XYLT1: variants seen among roughly 807,000 people sequenced by gnomAD.
XYLT1 encodes the protein xylosyltransferase 1.
A neutral mutation model predicts 91.3 loss-of-function variants in XYLT1; 36 were observed. The observed-to-expected ratio is 0.39, with a 90% confidence interval of 0.30 to 0.52. The LOEUF is 0.52. Among genes scored for constraint, XYLT1 ranks in the 20% least tolerant of loss-of-function variants. The pLI is 0.68. For synonymous variants in XYLT1, 588 were observed against 532.0 expected, an observed-to-expected ratio of 1.11 and a Z score of -1.45; for missense variants, 1,242 against 1,284.5, an observed-to-expected ratio of 0.97 and a Z score of 0.51.
chr16:17,141,115 C>G, intron 7 of XYLT1, 38 bp downstream of exon 7: 1 of 1,600,426 alleles, frequency 6.2e-7, no homozygotes, highest in Non-Finnish European at 8.6e-7. Flanking sequence ...CTAGAACAAG[C>G]CCCTATCTTT....
intron 6 of XYLT1, among the ~76,000 whole-genome samples, chr16:17,157,648 C>T (rs562433161): frequency 1.5e-4 from 23 of 152,264 alleles, no homozygotes; most frequent in African/African-American, 4.6e-4. Flanking sequence ...AAACCATGCA[C>T]GTTAACAAGC....
intron 1 of XYLT1, among the ~76,000 whole-genome samples, chr16:17,437,622 A>G (rs1461554299): frequency 6.6e-6 from 1 of 152,092 alleles, no homozygotes; most frequent in African/African-American, 2.4e-5. Context: ...AACAAGAATA[A>G]CAGCCTACTG....
At chr16:17,282,775 A>G (rs2034076853) in intron 2 of XYLT1, among the ~76,000 whole-genome samples, 1 of 152,266 alleles carries the variant, frequency 6.6e-6, no homozygotes, top group Admixed American at 6.5e-5. Flanking sequence ...GTTGTAACAC[A>G]GGATGGGGTG....
intron 2 of XYLT1, chr16:17,338,420 G>C (rs1231602227): frequency 4.4e-6 from 2 of 456,552 alleles, no homozygotes; most frequent in South Asian, 3.1e-5. Context: ...TGACACTTTG[G>C]AAAAGGCTGC....
At chr16:17,192,395 C>G (rs2032333726) in intron 5 of XYLT1, among the ~76,000 whole-genome samples, 1 of 152,178 alleles carries the variant, frequency 6.6e-6, no homozygotes, top group Admixed American at 6.5e-5. Flanking sequence ...AGCCACCACA[C>G]CCAGCCGAGG....
At chr16:17,376,142 C>T (rs1306082834) in intron 1 of XYLT1, among the ~76,000 whole-genome samples, 1 of 152,242 alleles carries the variant, frequency 6.6e-6, no homozygotes, top group Non-Finnish European at 1.5e-5. Context: ...GGCAGTGGTT[C>T]TCAACCAGGG....
At chr16:17,139,670 A>C (rs2030902510) in intron 7 of XYLT1, among the ~76,000 whole-genome samples, 1 of 152,204 alleles carries the variant, frequency 6.6e-6, no homozygotes, top group Non-Finnish European at 1.5e-5. Context: ...TCCAACAAGC[A>C]GTGGGAAGAT....
intron 1 of XYLT1, among the ~76,000 whole-genome samples, chr16:17,403,995 T>C (rs1208614279): frequency 6.6e-6 from 1 of 152,186 alleles, no homozygotes. Flanking sequence ...TCTGTGCAGT[T>C]CAGACCACAG....
At chr16:17,232,825 G>A (rs773016535) in intron 3 of XYLT1, among the ~76,000 whole-genome samples, 1 of 152,062 alleles carries the variant, frequency 6.6e-6, no homozygotes, top group Admixed American at 6.6e-5. Flanking sequence ...TGTTGGCAGC[G>A]GTGGTGATGG....
At chr16:17,396,955 T>A (rs2035894372) in intron 1 of XYLT1, among the ~76,000 whole-genome samples, 1 of 152,130 alleles carries the variant, frequency 6.6e-6, no homozygotes, top group Non-Finnish European at 1.5e-5. Context: ...TTTTCGCAAA[T>A]AAAATTTTAT....
At chr16:17,234,695 A>AAAATAAATAAATAAAT (rs4071716) in intron 3 of XYLT1, among the ~76,000 whole-genome samples, 3,169 of 146,976 alleles carry the variant, frequency 0.022, 75 homozygotes, top group African/African-American at 0.067. Flanking sequence ...GCCATGTGAT[A>AAAATAAATAAATAAAT]AAATAAATAA....
chr16:17,438,575 C>T (rs774447358), intron 1 of XYLT1, among the ~76,000 whole-genome samples: 8 of 152,010 alleles, frequency 5.3e-5, no homozygotes, highest in Admixed American at 6.6e-5. Context: ...AGTTCATTCC[C>T]GCATCCCTAG....
chr16:17,312,376 T>A lies in XYLT1; in HGVS notation c.402+45636A>T, dbSNP rs193168518. 4.1e-4 allele frequency among the ~76,000 whole-genome samples: 62 copies of A among 152,268 alleles called. No individual in the cohort carries two copies. The South Asian group carries it at 0.012, about 29-fold the overall frequency. On this transcript the variant is annotated intron_variant, in intron 2 of 11. Transcript: ENST00000261381. This position sits in a 1 kb window ranked among gnomAD's most constrained non-coding sequence, Gnocchi z 4.4. ...CAATGAAACATCCCTGAAATCCTCA[T>A]GATCATCAGGGCTGGCATTCCTGTA...
At chr16:17,160,350 G>A (rs1313422844) in intron 5 of XYLT1, among the ~76,000 whole-genome samples, 2 of 152,162 alleles carry the variant, frequency 1.3e-5, no homozygotes, top group African/African-American at 2.4e-5. Flanking sequence ...TTTGGTCTGA[G>A]CTGCCCCTAC....
At chr16:17,120,886 AT>A in intron 10 of XYLT1, among the ~76,000 whole-genome samples, 1 of 152,342 alleles carries the variant, frequency 6.6e-6, no homozygotes, top group East Asian at 1.9e-4. Context: ...CAGATTGATC[AT>A]CTACTTATGT....
At position 17,107,050 on chromosome 16, in the gene XYLT1, T is replaced by C. The variant is rs527749655; in HGVS notation, c.*1645A>G. The stretch of plus-strand genomic sequence containing the variant: ...GGCAGCTTCAGTTAGTAAGGTAACA[T>C]AATTGACAAGCTGCAAAAACAGCAC... On this transcript the variant is annotated 3_prime_UTR_variant, in exon 12 of 12. Coordinates refer to ENST00000261381, the MANE Select transcript of XYLT1 (RefSeq NM_022166.4). 6.6e-6 allele frequency: 1 copy of C among 152,246 alleles called. No homozygotes were observed. The highest frequency in any genetic ancestry group is 6.5e-5 in the Admixed American group (1 of 15,304). The allele number at this position is 152,246 out of a possible 1,614,324, so 9.4% of individuals were successfully genotyped here.
At chr16:17,293,651 C>G (rs1271515296) in intron 2 of XYLT1, among the ~76,000 whole-genome samples, 1 of 152,038 alleles carries the variant, frequency 6.6e-6, no homozygotes, top group Non-Finnish European at 1.5e-5. Flanking sequence ...CCACACCCAG[C>G]TAATTGTTTG....
At chr16:17,272,655 T>C (rs759649315) in intron 2 of XYLT1, among the ~76,000 whole-genome samples, 2 of 152,184 alleles carry the variant, frequency 1.3e-5, no homozygotes, top group Non-Finnish European at 2.9e-5. Context: ...CTGACAACAC[T>C]GAGCTTAGAT....
chr16:17,379,763 T>TCTCTCTCTCA (rs373354877), intron 1 of XYLT1, among the ~76,000 whole-genome samples: 33 of 125,622 alleles, frequency 2.6e-4, no homozygotes, highest in Non-Finnish European at 1.7e-4. Context: ...TCTCTCTCTC[T>TCTCTCTCTCA]CACACACACA....
Sources: allele counts gnomAD v4.1 joint callset (sites outside exome capture counted in the v4.1 genomes callset), GRCh38; gene constraint gnomAD v4.1.1; non-coding constraint Gnocchi (gnomAD v3.1); transcripts MANE v1.5; gene names NCBI Gene and HGNC (gene_info 2026-07-23, HGNC 2026-07-21).